Variants in RNF2 observed in about 807,000 individuals in gnomAD.
RNF2 encodes ring finger protein 2.
Under a neutral mutation model 37.2 loss-of-function variants are expected in RNF2, and 6 were observed. That is an observed-to-expected ratio of 0.16 (90% CI 0.09 to 0.32). The LOEUF (loss-of-function observed/expected upper bound fraction) is 0.32. Among genes scored for constraint, RNF2 ranks in the 10% least tolerant of loss-of-function variants. RNF2 has a pLI of 1.00. For synonymous variants in RNF2, 133 were observed against 132.7 expected, an observed-to-expected ratio of 1.00 and a Z score of -0.02; for missense variants, 251 against 404.0, an observed-to-expected ratio of 0.62 and a Z score of 3.25.
chr1:185,092,278 G>C (rs1434624357), intron 3 of RNF2, among the ~76,000 whole-genome samples: 1 of 151,890 alleles, frequency 6.6e-6, no homozygotes, highest in Non-Finnish European at 1.5e-5. Context: ...CCGGGTTCAA[G>C]TGATTCTCCT....
At chr1:185,096,330 T>G (rs1395449263) in intron 4 of RNF2, among the ~76,000 whole-genome samples, 2 of 152,174 alleles carry the variant, frequency 1.3e-5, no homozygotes, top group East Asian at 1.9e-4. Context: ...GTACATTCTT[T>G]TTTTTCTTTT....
At chr1:185,100,043 TAATA>T in intron 6 of RNF2, 81 bp downstream of exon 6, 2 of 1,358,540 alleles carry the variant, frequency 1.5e-6, no homozygotes, top group South Asian at 2.7e-5. Context: ...GGGTAGAATC[TAATA>T]AATAATGTAA....
chr1:185,077,384 C>T (rs1651200298), intron 1 of RNF2, among the ~76,000 whole-genome samples: 2 of 151,504 alleles, frequency 1.3e-5, no homozygotes, highest in Admixed American at 1.3e-4. Flanking sequence ...TGGGTGGTCT[C>T]ATTTTGCTCC....
chr1:185,051,507 A>G (rs1436778856), intron 1 of RNF2, among the ~76,000 whole-genome samples: 3 of 152,332 alleles, frequency 2.0e-5, no homozygotes, highest in Non-Finnish European at 2.9e-5. Context: ...AGTAAAGCAC[A>G]TGGTAAGTTT....
At chr1:185,080,123 G>A (rs1391382480) in intron 1 of RNF2, among the ~76,000 whole-genome samples, 1 of 152,090 alleles carries the variant, frequency 6.6e-6, no homozygotes, top group Admixed American at 6.6e-5. Context: ...TATCTTCTTT[G>A]CTGGCTTCCA....
chr1:185,099,650 A>C, intron 5 of RNF2, 141 bp from the exon 6 acceptor site: 1 of 700,354 alleles, frequency 1.4e-6, no homozygotes, highest in Non-Finnish European at 2.4e-6. Context: ...TAGAGCAGTA[A>C]ATTTCTGATA....
chr1:185,065,044 G>A (rs974976383), intron 1 of RNF2, among the ~76,000 whole-genome samples: 2 of 152,100 alleles, frequency 1.3e-5, no homozygotes. Context: ...TTCTGGGTCG[G>A]GTGGGGACTT....
chr1:185,067,046 A>G (rs1650817237), intron 1 of RNF2, among the ~76,000 whole-genome samples: 1 of 152,236 alleles, frequency 6.6e-6, no homozygotes, highest in African/African-American at 2.4e-5. Flanking sequence ...AGACCGGATA[A>G]TGGAGATTTG....
chr1:185,058,394 G>T (rs1650497674), intron 1 of RNF2, among the ~76,000 whole-genome samples: 4 of 152,126 alleles, frequency 2.6e-5, no homozygotes. Context: ...ATGTGCTTTT[G>T]TATGTCTTTT....
intron 1 of RNF2, among the ~76,000 whole-genome samples, chr1:185,061,472 G>A (rs796656786): frequency 2.6e-5 from 4 of 152,108 alleles, no homozygotes; most frequent in African/African-American, 7.2e-5. Flanking sequence ...CGAATGTGCA[G>A]CCTTTAGCAC....
intron 5 of RNF2, 72 bp downstream of exon 5, chr1:185,098,416 A>G (rs763930123): frequency 1.6e-4 from 250 of 1,527,066 alleles, no homozygotes; most frequent in Non-Finnish European, 2.1e-4. Flanking sequence ...GCAGTCTTGT[A>G]TAAGAAGTAG....
intron 1 of RNF2, among the ~76,000 whole-genome samples, chr1:185,085,148 T>C (rs796508345): frequency 4.3e-5 from 6 of 140,530 alleles, no homozygotes; most frequent in African/African-American, 1.6e-4. Flanking sequence ...TCTTTTTCTT[T>C]TTTTTTTTTT....
chr1:185,093,391 T>C, intron 4 of RNF2, 115 bp downstream of exon 4: 1 of 871,528 alleles, frequency 1.1e-6, no homozygotes, highest in Admixed American at 2.2e-5. Context: ...ACTGCATGAT[T>C]ACCTTTCGTG....
intron 1 of RNF2, among the ~76,000 whole-genome samples, chr1:185,073,475 G>C (rs559245758): frequency 6.6e-6 from 1 of 152,156 alleles, no homozygotes; most frequent in Non-Finnish European, 1.5e-5. Flanking sequence ...TTTTTAGAGA[G>C]TATTCCAGTC....
rs890103001 is a variant in RNF2, at chr1:185,102,503, A to G, written c.*2202A>G. The G allele has an allele frequency of 1.3e-5, 2 of 152,168 alleles. No individual in the cohort carries two copies. Among genetic ancestry groups the G allele is most frequent in the African/African-American group, 2.4e-5 (1 of 41,446 alleles). The allele number at this position is 152,168 out of a possible 1,614,324, so 9.4% of individuals were successfully genotyped here. A position where few individuals can be genotyped will look rare whatever the true frequency, so the allele number is the denominator to read the frequency against. ...TTCAGTGGGGTTAGGTACATTCACA[A>G]TGTTGTGTAATGATCACCGCTGTCT... On this transcript the variant is annotated 3_prime_UTR_variant, in exon 7 of 7. Transcript: ENST00000367510.
intron 4 of RNF2, among the ~76,000 whole-genome samples, chr1:185,097,401 G>A (rs1305828964): frequency 1.3e-5 from 2 of 152,140 alleles, no homozygotes; most frequent in South Asian, 2.1e-4. Flanking sequence ...TCTTTAAAGA[G>A]GCATAAATAT....
intron 2 of RNF2, among the ~76,000 whole-genome samples, chr1:185,091,158 C>A (rs901605980): frequency 2.0e-5 from 3 of 152,046 alleles, no homozygotes; most frequent in African/African-American, 7.2e-5. Context: ...TGAAGGTGGA[C>A]GTTTTCTGAG....
chr1:185,098,065 T>G lies in RNF2; in HGVS notation c.465-7T>G, dbSNP rs774257752. Reference sequence around the variant, plus strand: ...ATTTTATGCATCCTTTTTTCCCCCTTGACTAGACTGCAGCGAGGCAAGAAA... The same window carrying G: ...ATTTTATGCATCCTTTTTTCCCCCTGGACTAGACTGCAGCGAGGCAAGAAA... On this transcript the variant is annotated splice_region_variant and splice_polypyrimidine_tract_variant and intron_variant, in intron 4 of 6. Coordinates refer to ENST00000367510, the MANE Select transcript of RNF2 (RefSeq NM_007212.4). 6.2e-7 allele frequency: 1 copy of G among 1,612,892 alleles called. No individual in the cohort carries two copies. Among genetic ancestry groups the G allele is most frequent in the Non-Finnish European group, 8.5e-7 (1 of 1,179,244 alleles).
intron 5 of RNF2, 57 bp from the exon 6 acceptor site, chr1:185,099,734 A>G: frequency 1.4e-6 from 2 of 1,416,886 alleles, no homozygotes; most frequent in Admixed American, 2.0e-5. Flanking sequence ...TAATTTAAGT[A>G]CATTTTTCTC....
Sources: allele counts gnomAD v4.1 joint callset (sites outside exome capture counted in the v4.1 genomes callset), GRCh38; gene constraint gnomAD v4.1.1; transcripts MANE v1.5; gene names NCBI Gene and HGNC (gene_info 2026-07-23, HGNC 2026-07-21).